RFTN1: variants seen among roughly 807,000 people sequenced by gnomAD.
RFTN1 encodes the protein raftlin.
A neutral mutation model predicts 46.5 loss-of-function variants in RFTN1; 26 were observed. The observed-to-expected ratio is 0.56, with a 90% CI of 0.41 to 0.78. The LOEUF (loss-of-function observed/expected upper bound fraction) is 0.78. Ranked by LOEUF, RFTN1 falls within the 30% of genes least tolerant of loss-of-function variation. RFTN1 has a pLI of 0.00. For missense variants in RFTN1, 693 were observed against 718.7 expected (o/e 0.96, Z 0.41); for synonymous variants, 261 against 284.2 (o/e 0.92, Z 0.82).
chr3:16,358,566 C>A (rs2072618007), intron 6 of RFTN1, among the ~76,000 whole-genome samples: 1 of 151,806 alleles, frequency 6.6e-6, no homozygotes, highest in Non-Finnish European at 1.5e-5. Flanking sequence ...CAGCTCTTGT[C>A]AAGAGGTGGA....
chr3:16,396,483 T>G (rs2074472471), intron 4 of RFTN1, among the ~76,000 whole-genome samples: 1 of 152,130 alleles, frequency 6.6e-6, no homozygotes, highest in Admixed American at 6.5e-5. Flanking sequence ...TTTTGCTAGG[T>G]GTTAGAAGAT....
Position 16,377,811 on chromosome 3 carries a change from C to T in RFTN1, c.733G>A (p.Asp245Asn), listed in dbSNP as rs2073836208. The change falls in exon 5 of 10, where the codon GAT becomes AAT. Residue 245 changes from aspartate to asparagine, a missense_variant. Asp to Asn is a conservative substitution (Grantham distance 23, BLOSUM62 1). Coordinates refer to ENST00000334133, the MANE Select transcript of RFTN1 (RefSeq NM_015150.2). Reference protein sequence around the residue: ...KQPSSPSGEGDGGELSPQGVS... With the variant: ...KQPSSPSGEGNGGELSPQGVS... ...CCCTGTGGTGAAAGTTCTCCACCAT[C>T]TCCCTCTCCGGAGGGTGAGCTGGGC... The T allele has an allele frequency of 6.2e-7, 1 of 1,614,098 alleles. No homozygotes were observed. The highest frequency in any genetic ancestry group is 1.3e-5 in the African/African-American group (1 of 74,940).
chr3:16,423,094 G>A (rs918443442), intron 3 of RFTN1, among the ~76,000 whole-genome samples: 87 of 151,934 alleles, frequency 5.7e-4, no homozygotes, highest in African/African-American at 2.1e-3. Flanking sequence ...CGAGAACCCA[G>A]GAGGCAGAGC....
At chr3:16,469,646 A>T (rs1376017536) in intron 2 of RFTN1, among the ~76,000 whole-genome samples, 1 of 152,204 alleles carries the variant, frequency 6.6e-6, no homozygotes, top group African/African-American at 2.4e-5. Context: ...AAGAGAGAGG[A>T]CCAGGAGCTT....
Position 16,327,247 on chromosome 3 carries a change from G to C in RFTN1, c.1147-371C>G, listed in dbSNP as rs1372665344. Reference sequence around the variant, plus strand: ...TATAACTACACGTGCTGCTCTGAATGAGTTCAGAGCGTGTTGTGGGGAGTT... The same window carrying C: ...TATAACTACACGTGCTGCTCTGAATCAGTTCAGAGCGTGTTGTGGGGAGTT... On this transcript the variant is annotated intron_variant, in intron 7 of 9. Transcript: ENST00000334133. The surrounding 1 kb of genome is among the most constrained non-coding windows in gnomAD (Gnocchi z 4.2). Among the ~76,000 whole-genome samples the C allele has an allele frequency of 6.6e-6, 1 of 152,190 alleles. No individual in the cohort carries two copies. The highest frequency in any genetic ancestry group is 1.5e-5 in the Non-Finnish European group (1 of 68,030).
At position 16,447,708 on chromosome 3, in the gene RFTN1, C is replaced by A. The variant is rs991856039; in HGVS notation, c.146-13671G>T. Among the ~76,000 whole-genome samples the A allele has an allele frequency of 1.3e-5, 2 of 152,186 alleles. No homozygotes were observed. Among genetic ancestry groups the A allele is most frequent in the Non-Finnish European group, 2.9e-5 (2 of 68,032 alleles). On this transcript the variant is annotated intron_variant, in intron 2 of 9. Coordinates refer to ENST00000334133, the MANE Select transcript of RFTN1 (RefSeq NM_015150.2). The surrounding 1 kb of genome is among the most constrained non-coding windows in gnomAD (Gnocchi z 5.9). ...CAGGGGGATGTTCTTCAGACTAATA[C>A]AACGAAGCAATCAGGTGAAAATCAT...
chr3:16,473,252 T>C lies in RFTN1; in HGVS notation c.145+20473A>G, dbSNP rs915070265. On this transcript the variant is annotated intron_variant, in intron 2 of 9. Transcript: ENST00000334133. The surrounding 1 kb of genome is among the most constrained non-coding windows in gnomAD (Gnocchi z 5.3). ...CCCAATACTGGGCCAGACTCCATGA[T>C]ACCAGGTGACTGGGTGTGCTGTGGG... 4.6e-5 allele frequency among the ~76,000 whole-genome samples: 7 copies of C among 151,854 alleles called. No homozygotes were observed. The highest frequency in any genetic ancestry group is 1.9e-4 in the East Asian group (1 of 5,188).
rs201617894 is a variant in RFTN1 at position 16,511,181 on chromosome 3, CTG to C, written c.-9+2259_-9+2260del. ...CCTGCTGGGGTGACAGTAATATTCT[CTG>C]TCTTGATAAGGACTAGGGTTACACA... On this transcript the variant is annotated intron_variant, in intron 1 of 9. Transcript: ENST00000334133. Among the ~76,000 whole-genome samples, 488 of 152,320 alleles carry C rather than the reference CTG, an allele frequency of 3.2e-3. 7 individuals carry two copies. The highest frequency in any genetic ancestry group is 0.011 in the African/African-American group (441 of 41,584).
chr3:16,345,469 T>C lies in RFTN1; in HGVS notation c.1146+12463A>G, dbSNP rs1392628433. The stretch of plus-strand genomic sequence containing the variant: ...TTTCTGGAAAAGATTAGCATTTGAA[T>C]GGGTCAACTGAGTAGACCAGATGGC... On this transcript the variant is annotated intron_variant, in intron 7 of 9. Transcript: ENST00000334133. The surrounding 1 kb of genome is among the most constrained non-coding windows in gnomAD (Gnocchi z 5.2). Among the ~76,000 whole-genome samples, 1 of 152,188 alleles carries C rather than the reference T, an allele frequency of 6.6e-6. No individual in the cohort carries two copies. Among genetic ancestry groups the C allele is most frequent in the Non-Finnish European group, 1.5e-5 (1 of 68,036 alleles).
chr3:16,336,320 C>A lies in RFTN1; in HGVS notation c.1147-9444G>T, dbSNP rs1003274393. 2.6e-5 allele frequency among the ~76,000 whole-genome samples: 4 copies of A among 152,146 alleles called. No individual in the cohort carries two copies. The highest frequency in any genetic ancestry group is 9.7e-5 in the African/African-American group (4 of 41,440). ...CTCTTCTGCCCCAGGAGATCCCAGT[C>A]TAGGGGTGGGGAGAACAAGCACATG... On this transcript the variant is annotated intron_variant, in intron 7 of 9. Coordinates refer to ENST00000334133, the MANE Select transcript of RFTN1 (RefSeq NM_015150.2). This position sits in a 1 kb window ranked among gnomAD's most constrained non-coding sequence, Gnocchi z 6.0.
rs572572511 is a variant in RFTN1 at position 16,486,885 on chromosome 3, C to T, written c.145+6840G>A. ...ATCATGTCATAAGGATGGGGCACAA[C>T]GTGATGGGACTAGTGTCCTTACAAG... On this transcript the variant is annotated intron_variant, in intron 2 of 9. Transcript: ENST00000334133. Among the ~76,000 whole-genome samples the T allele has an allele frequency of 3.7e-4, 57 of 152,318 alleles. 1 individual carries two copies. The highest frequency in any genetic ancestry group is 3.5e-4 in the Non-Finnish European group (24 of 68,032).
At chr3:16,501,200 G>T (rs1322604459) in intron 1 of RFTN1, among the ~76,000 whole-genome samples, 1 of 152,164 alleles carries the variant, frequency 6.6e-6, no homozygotes, top group South Asian at 2.1e-4. Context: ...GGCTCCAGAA[G>T]AAGCTGACCA....
At chr3:16,401,484 G>A (rs534110783) in intron 4 of RFTN1, among the ~76,000 whole-genome samples, 1 of 152,174 alleles carries the variant, frequency 6.6e-6, no homozygotes, top group African/African-American at 2.4e-5. Flanking sequence ...GCATCCAGTG[G>A]CCAAACCCGG....
At chr3:16,403,793 A>C (rs2074692713) in intron 4 of RFTN1, among the ~76,000 whole-genome samples, 1 of 12,618 alleles carries the variant, frequency 7.9e-5, no homozygotes, top group Non-Finnish European at 1.2e-4. Flanking sequence ...TATATTTTAT[A>C]TATAATATAT....
chr3:16,446,938 T>C lies in RFTN1; in HGVS notation c.146-12901A>G, dbSNP rs1228802544. On this transcript the variant is annotated intron_variant, in intron 2 of 9. Coordinates refer to ENST00000334133, the MANE Select transcript of RFTN1 (RefSeq NM_015150.2). The surrounding 1 kb of genome is among the most constrained non-coding windows in gnomAD (Gnocchi z 4.5). ...TATAGTAATATAAAATGACAAACTA[T>C]GGAAACTATTGGAAATCATAAAGAC... 1.3e-5 allele frequency among the ~76,000 whole-genome samples: 2 copies of C among 152,228 alleles called. No individual in the cohort carries two copies. Among genetic ancestry groups the C allele is most frequent in the African/African-American group, 4.8e-5 (2 of 41,466 alleles).
rs151133148 is a variant in RFTN1, at chr3:16,340,576, G to A, written c.1147-13700C>T. ...TAAGTTTGGAATGGTTAGTTACACA[G>A]CAGAAGCCAACTGATAGAGACTGAA... On this transcript the variant is annotated intron_variant, in intron 7 of 9. Transcript: ENST00000334133. Among the ~76,000 whole-genome samples, 799 of 152,352 alleles carry A rather than the reference G, an allele frequency of 5.2e-3. 32 individuals are homozygous for A. The highest frequency in any genetic ancestry group is 0.047 in the Admixed American group (719 of 15,302).
In RFTN1 at chr3:16,473,634, T is replaced by C. The variant is rs1471124163; in HGVS notation, c.145+20091A>G. 6.6e-6 allele frequency among the ~76,000 whole-genome samples: 1 copy of C among 152,148 alleles called. No homozygotes were observed. Among genetic ancestry groups the C allele is most frequent in the Non-Finnish European group, 1.5e-5 (1 of 68,016 alleles). ...GTTGCCCAGGCTGGTCTGGAACTCC[T>C]GAGCTCAGGCAATCCACCCGCCTTG... On this transcript the variant is annotated intron_variant, in intron 2 of 9. Transcript: ENST00000334133. This position sits in a 1 kb window ranked among gnomAD's most constrained non-coding sequence, Gnocchi z 5.3.
chr3:16,345,841 C>A lies in RFTN1; in HGVS notation c.1146+12091G>T, dbSNP rs1462088655. Among the ~76,000 whole-genome samples, 1 of 59,308 alleles carries A rather than the reference C, an allele frequency of 1.7e-5. No homozygotes were observed. Among genetic ancestry groups the A allele is most frequent in the Non-Finnish European group, 3.5e-5 (1 of 28,638 alleles). The allele number at this position is 59,308 out of a possible 152,430, so 38.9% of individuals were successfully genotyped here. On this transcript the variant is annotated intron_variant, in intron 7 of 9. Transcript: ENST00000334133. The surrounding 1 kb of genome is among the most constrained non-coding windows in gnomAD (Gnocchi z 5.2). ...GTGCGCGCGCGCGTGCGCGCACGCG[C>A]ACATGTGCATGTGTATGTGTATAAT... is the stretch of plus-strand genomic sequence containing the variant.
Position 16,338,552 on chromosome 3 carries a change from G to A in RFTN1, c.1147-11676C>T, listed in dbSNP as rs1333018580. ...GAGGGGGTCCTCCCAGGCCAACTTAGAAATAGCTTTGTTTGATAACAATTA... is the reference window on the plus strand; with the variant it reads ...GAGGGGGTCCTCCCAGGCCAACTTAAAAATAGCTTTGTTTGATAACAATTA... On this transcript the variant is annotated intron_variant, in intron 7 of 9. Coordinates refer to ENST00000334133, the MANE Select transcript of RFTN1 (RefSeq NM_015150.2). This position sits in a 1 kb window ranked among gnomAD's most constrained non-coding sequence, Gnocchi z 5.3. Among the ~76,000 whole-genome samples the A allele has an allele frequency of 3.9e-5, 6 of 152,330 alleles. No homozygotes were observed. The South Asian group carries it at 1.2e-3, about 32-fold the overall frequency.
Sources: allele counts gnomAD v4.1 joint callset (sites outside exome capture counted in the v4.1 genomes callset), GRCh38; gene constraint gnomAD v4.1.1; non-coding constraint Gnocchi (gnomAD v3.1); transcripts MANE v1.5; gene names NCBI Gene and HGNC (gene_info 2026-07-23, HGNC 2026-07-21).